SLC30A8: variants seen among roughly 807,000 people sequenced by gnomAD.
SLC30A8 encodes the protein solute carrier family 30 member 8, also known as proton-coupled zinc antiporter SLC30A8.
Under a neutral mutation model 36.9 loss-of-function variants are expected in SLC30A8, and 27 were observed. That is an observed-to-expected ratio of 0.73 (90% CI 0.54 to 1.01). SLC30A8 has a LOEUF of 1.01. Among genes scored for constraint, SLC30A8 ranks in the 50% least tolerant of loss-of-function variants. The probability of loss-of-function intolerance (pLI) is 0.00; values close to 1 mark genes in which losing one functional copy is unlikely to be tolerated. For missense variants in SLC30A8, 439 were observed against 452.0 expected, an observed-to-expected ratio of 0.97 and a Z score of 0.26; for synonymous variants, 164 against 172.4, an observed-to-expected ratio of 0.95 and a Z score of 0.38.
chr8:117,074,693 C>T (rs1286616044), intron 2 of SLC30A8, among the ~76,000 whole-genome samples: 2 of 152,172 alleles, frequency 1.3e-5, no homozygotes, highest in East Asian at 1.9e-4. Context: ...AAGTGATACT[C>T]GTCATCTTTT....
At chr8:117,003,004 T>C (rs989474635) in intron 1 of SLC30A8, among the ~76,000 whole-genome samples, 1 of 152,208 alleles carries the variant, frequency 6.6e-6, no homozygotes, top group African/African-American at 2.4e-5. Context: ...ATACAGTAGA[T>C]AATAGTCAGA....
At chr8:117,108,243 C>G (rs1820079436) in intron 2 of SLC30A8, among the ~76,000 whole-genome samples, 1 of 152,142 alleles carries the variant, frequency 6.6e-6, no homozygotes, top group African/African-American at 2.4e-5. Flanking sequence ...TTTGCCTGCA[C>G]AAGGACTGCT....
At chr8:116,969,875 A>G (rs1313933019) in intron 1 of SLC30A8, among the ~76,000 whole-genome samples, 1 of 152,148 alleles carries the variant, frequency 6.6e-6, no homozygotes, top group African/African-American at 2.4e-5. Flanking sequence ...TGGTGAGTGA[A>G]TGTGAAGGCC....
At chr8:117,041,986 A>G (rs1817402730) in intron 2 of SLC30A8, among the ~76,000 whole-genome samples, 1 of 152,222 alleles carries the variant, frequency 6.6e-6, no homozygotes, top group South Asian at 2.1e-4. Flanking sequence ...AGGGATGCCT[A>G]AACTAATTCC....
Position 117,152,985 on chromosome 8 carries a change from G to T in SLC30A8, c.313G>T (p.Ala105Ser). Residue 105 changes from alanine to serine, a missense_variant, in exon 3 of 8, where the codon GCC (alanine) becomes TCC (serine). Ala to Ser is a moderately conservative substitution (Grantham distance 99). Transcript: ENST00000456015. ...AGSLAVVTDA[A>S]HLLIDLTSFL... ...GAGTCTTGCTGTTGTCACAGATGCT[G>T]CCCACCTCTTAATTGACCTGACCAG... The T allele has an allele frequency of 1.2e-6, 2 of 1,613,082 alleles. No individual in the cohort carries two copies. The highest frequency in any genetic ancestry group is 1.7e-6 in the Non-Finnish European group (2 of 1,179,304).
intron 2 of SLC30A8, among the ~76,000 whole-genome samples, chr8:117,042,811 G>A (rs965838124): frequency 1.3e-5 from 2 of 152,126 alleles, no homozygotes; most frequent in Admixed American, 6.5e-5. Flanking sequence ...GAGTAGCTGG[G>A]ATTACAGGCA....
intron 1 of SLC30A8, among the ~76,000 whole-genome samples, chr8:117,025,400 A>G (rs1231655035): frequency 6.6e-6 from 1 of 152,238 alleles, no homozygotes; most frequent in Non-Finnish European, 1.5e-5. Context: ...TTAAATTACA[A>G]AAGTAGATTT....
intron 2 of SLC30A8, among the ~76,000 whole-genome samples, chr8:117,059,105 A>C (rs1265977733): frequency 6.6e-6 from 1 of 152,220 alleles, no homozygotes; most frequent in Non-Finnish European, 1.5e-5. Context: ...CGTTTATGGG[A>C]GCCTTAATAT....
intron 6 of SLC30A8, among the ~76,000 whole-genome samples, chr8:117,170,519 A>G (rs1823318080): frequency 6.6e-6 from 1 of 152,192 alleles, no homozygotes; most frequent in Non-Finnish European, 1.5e-5. Context: ...ATCTTTGTAC[A>G]ACATTGCTGT....
chr8:117,118,238 C>T (rs1270046357), intron 2 of SLC30A8, among the ~76,000 whole-genome samples: 1 of 151,016 alleles, frequency 6.6e-6, no homozygotes, highest in East Asian at 2.0e-4. Context: ...AACAGTTGCT[C>T]TCAGATAAAA....
At chr8:117,091,123 C>T (rs1819104078) in intron 2 of SLC30A8, among the ~76,000 whole-genome samples, 1 of 151,994 alleles carries the variant, frequency 6.6e-6, no homozygotes, top group South Asian at 2.1e-4. Context: ...AGCACCTGCT[C>T]CTGAGGCAAA....
At chr8:116,994,137 A>G (rs1319021934) in intron 1 of SLC30A8, among the ~76,000 whole-genome samples, 1 of 152,096 alleles carries the variant, frequency 6.6e-6, no homozygotes, top group Non-Finnish European at 1.5e-5. Context: ...AAATAAAACC[A>G]CTTCACAGAA....
At chr8:117,014,531 A>G (rs987446754) in intron 1 of SLC30A8, among the ~76,000 whole-genome samples, 1 of 152,188 alleles carries the variant, frequency 6.6e-6, no homozygotes, top group Non-Finnish European at 1.5e-5. Context: ...TCTGAAAAAT[A>G]TAGGATGGTC....
intron 2 of SLC30A8, among the ~76,000 whole-genome samples, chr8:117,108,372 A>G (rs1353077794): frequency 6.6e-6 from 1 of 152,148 alleles, no homozygotes; most frequent in Non-Finnish European, 1.5e-5. Context: ...TGGCCATAAC[A>G]TTTCTCATAT....
intron 1 of SLC30A8, among the ~76,000 whole-genome samples, chr8:117,022,398 C>T (rs914677313): frequency 1.3e-5 from 2 of 151,986 alleles, no homozygotes; most frequent in African/African-American, 4.8e-5. Flanking sequence ...ATGCTGGATT[C>T]AAATGGCAGA....
At chr8:117,133,281 CT>C (rs559916117), upstream of SLC30A8, among the ~76,000 whole-genome samples, 261 of 152,034 alleles carry the variant, frequency 1.7e-3, no homozygotes, top group Non-Finnish European at 2.7e-3. Flanking sequence ...CCCATCTTCA[CT>C]TTTCCCTGTC....
intron 6 of SLC30A8, among the ~76,000 whole-genome samples, chr8:117,168,617 C>A (rs1474286781): frequency 6.6e-6 from 1 of 151,964 alleles, no homozygotes; most frequent in Non-Finnish European, 1.5e-5. Context: ...GACCTATGTT[C>A]TCTATAATAG....
intron 1 of SLC30A8, among the ~76,000 whole-genome samples, chr8:116,956,559 G>T (rs1444759182): frequency 1.3e-5 from 2 of 151,846 alleles, no homozygotes; most frequent in Non-Finnish European, 2.9e-5. Flanking sequence ...CAATTCATTG[G>T]ATTTAAAAGC....
At chr8:117,030,550 T>C (rs143756505) in intron 1 of SLC30A8, among the ~76,000 whole-genome samples, 171 of 152,326 alleles carry the variant, frequency 1.1e-3, no homozygotes, top group Middle Eastern at 3.4e-3. Flanking sequence ...TTTGTCATGC[T>C]GGAAGGAATA....
Sources: gnomAD v4.1 joint callset for allele counts (sites outside exome capture counted in the v4.1 genomes callset) on GRCh38, gnomAD v4.1.1 for gene constraint, MANE v1.5 for transcripts, NCBI Gene and HGNC (gene_info 2026-07-23, HGNC 2026-07-21) for gene names.